Variants in KCNH8 observed in about 807,000 individuals in gnomAD.
The protein encoded by KCNH8 is potassium voltage-gated channel subfamily H member 8, also known as voltage-gated delayed rectifier potassium channel KCNH8.
Under a neutral mutation model 103.6 loss-of-function variants are expected in KCNH8, and 70 were observed. The observed-to-expected ratio is 0.68, with a 90% confidence interval of 0.56 to 0.82. The LOEUF (loss-of-function observed/expected upper bound fraction) is 0.82, where lower values mean the gene tolerates loss of function less well. Ranked by LOEUF, KCNH8 falls within the 40% of genes least tolerant of loss-of-function variation. The pLI is 0.00. For synonymous variants in KCNH8, 498 were observed against 489.4 expected, an observed-to-expected ratio of 1.02 and a Z score of -0.23; for missense variants, 1,217 against 1,329.9, an observed-to-expected ratio of 0.92 and a Z score of 1.32.
intron 7 of KCNH8, among the ~76,000 whole-genome samples, chr3:19,426,491 C>T (rs999226936): frequency 6.0e-5 from 9 of 151,056 alleles, no homozygotes; most frequent in Non-Finnish European, 1.5e-5. Context: ...ATTGGGGCCC[C>T]TGATGTGCTC....
intron 5 of KCNH8, among the ~76,000 whole-genome samples, chr3:19,383,072 G>A (rs1349589305): frequency 6.6e-6 from 1 of 152,058 alleles, no homozygotes. Context: ...TTTGGCCAAA[G>A]CAAATCATAG....
intron 1 of KCNH8, among the ~76,000 whole-genome samples, chr3:19,149,527 G>A (rs188991031): frequency 6.6e-6 from 1 of 152,046 alleles, no homozygotes; most frequent in Admixed American, 6.5e-5. Context: ...TAGATAGGAT[G>A]TTGTGTGGTT....
At chr3:19,499,249 A>G (rs1427236066) in intron 11 of KCNH8, among the ~76,000 whole-genome samples, 1 of 152,154 alleles carries the variant, frequency 6.6e-6, no homozygotes, top group Non-Finnish European at 1.5e-5. Flanking sequence ...AAAAAAGAAT[A>G]AAAAGAAACG....
intron 7 of KCNH8, among the ~76,000 whole-genome samples, chr3:19,421,133 A>G (rs1415560730): frequency 1.3e-5 from 2 of 152,186 alleles, no homozygotes; most frequent in African/African-American, 4.8e-5. Flanking sequence ...ACTACTTTTT[A>G]TTCTTTAGAA....
intron 2 of KCNH8, among the ~76,000 whole-genome samples, chr3:19,273,211 G>T (rs1039159346): frequency 2.6e-5 from 4 of 152,114 alleles, no homozygotes; most frequent in Non-Finnish European, 4.4e-5. Flanking sequence ...AATTAGAGAG[G>T]GTTAACTTAA....
intron 11 of KCNH8, among the ~76,000 whole-genome samples, chr3:19,508,577 A>C (rs2068734512): frequency 6.6e-6 from 1 of 152,180 alleles, no homozygotes; most frequent in South Asian, 2.1e-4. Flanking sequence ...CAGGGTGCTT[A>C]TCACATGATG....
intron 11 of KCNH8, among the ~76,000 whole-genome samples, chr3:19,502,691 T>A (rs1314083661): frequency 2.0e-5 from 3 of 150,566 alleles, no homozygotes; most frequent in Non-Finnish European, 4.5e-5. Flanking sequence ...ATTCCCTATT[T>A]AATAAATGGT....
intron 7 of KCNH8, among the ~76,000 whole-genome samples, chr3:19,408,829 T>G (rs2066733135): frequency 1.3e-5 from 2 of 151,958 alleles, no homozygotes; most frequent in African/African-American, 4.8e-5. Context: ...AAAAAAGAAT[T>G]TTAAAAAATG....
intron 3 of KCNH8, among the ~76,000 whole-genome samples, chr3:19,299,280 A>C (rs1442425460): frequency 6.6e-6 from 1 of 152,066 alleles, no homozygotes; most frequent in Non-Finnish European, 1.5e-5. Flanking sequence ...GAGTAATCTT[A>C]GCTGAAAATT....
At chr3:19,360,632 C>G (rs2065935885) in intron 5 of KCNH8, among the ~76,000 whole-genome samples, 1 of 151,922 alleles carries the variant, frequency 6.6e-6, no homozygotes. Flanking sequence ...TTTTCCATAA[C>G]AAATATTTTA....
rs200575141 is a variant in KCNH8, at chr3:19,395,196, C to T, written c.1062C>T (p.Ile354=). 5.0e-6 allele frequency: 8 copies of T among 1,609,992 alleles called. No individual in the cohort carries two copies. The South Asian group carries it at 6.6e-5, about 13-fold the overall frequency. ...KLDRYSQHST[I]VLTLLMSMFA... ...ACCGCTATTCCCAACACAGTACTAT[C>T]GTCCTGACTCTGCTCATGTCCATGT... Residue 354 remains isoleucine (I), a synonymous_variant, in exon 7 of 16, where the codon ATC becomes ATT. Transcript: ENST00000328405.
At chr3:19,285,033 C>T (rs1032473298) in intron 3 of KCNH8, among the ~76,000 whole-genome samples, 1 of 151,868 alleles carries the variant, frequency 6.6e-6, no homozygotes, top group African/African-American at 2.4e-5. Context: ...AAAACATTCA[C>T]AGGGCTGAGA....
At chr3:19,261,266 C>T (rs562964869) in intron 2 of KCNH8, among the ~76,000 whole-genome samples, 52 of 151,662 alleles carry the variant, frequency 3.4e-4, no homozygotes, top group African/African-American at 1.2e-3. Flanking sequence ...CACTTGTTAT[C>T]TCATGTCTTT....
intron 3 of KCNH8, among the ~76,000 whole-genome samples, chr3:19,307,442 G>A (rs781093786): frequency 6.6e-5 from 10 of 151,946 alleles, no homozygotes; most frequent in Non-Finnish European, 1.0e-4. Flanking sequence ...CTGTTGAGGG[G>A]AATGTAAACT....
At chr3:19,183,935 A>G (rs892895493) in intron 1 of KCNH8, among the ~76,000 whole-genome samples, 1 of 152,142 alleles carries the variant, frequency 6.6e-6, no homozygotes, top group Non-Finnish European at 1.5e-5. Flanking sequence ...TGTAACATTT[A>G]CGGTATTGGC....
intron 7 of KCNH8, among the ~76,000 whole-genome samples, chr3:19,415,534 G>A (rs2066850604): frequency 6.6e-6 from 1 of 151,198 alleles, no homozygotes; most frequent in Non-Finnish European, 1.5e-5. Context: ...TCCTTACTGA[G>A]GCACAATTAC....
At chr3:19,217,115 CTTGCGCAAGGCTAACAT>C (rs2063825791) in intron 1 of KCNH8, among the ~76,000 whole-genome samples, 1 of 152,306 alleles carries the variant, frequency 6.6e-6, no homozygotes, top group African/African-American at 2.4e-5. Context: ...AGCGCAGTCC[CTTGCGCAAGGCTAACAT>C]TTTTGTTTGG....
At position 19,480,821 on chromosome 3, in the gene KCNH8, T is replaced by C. The variant is rs532891346; in HGVS notation, c.2040+23839T>C. 4.6e-5 allele frequency among the ~76,000 whole-genome samples: 7 copies of C among 152,334 alleles called. 1 individual carries two copies. Among genetic ancestry groups the C allele is most frequent in the African/African-American group, 1.7e-4 (7 of 41,582 alleles). ...AAACTATATTTTCTCTGTCTGGTTC[T>C]TCATGCCAAAAAAACAATTATCTTT... On this transcript the variant is annotated intron_variant, in intron 11 of 15. Transcript: ENST00000328405.
At position 19,281,282 on chromosome 3, in the gene KCNH8, A is replaced by G. The variant is rs962827614; in HGVS notation, c.395A>G (p.Asp132Gly). The G allele has an allele frequency of 6.2e-7, 1 of 1,611,234 alleles. No individual in the cohort carries two copies. The highest frequency in any genetic ancestry group is 8.5e-7 in the Non-Finnish European group (1 of 1,178,286). ...DVVLFLASFK[D>G]ITDTKVKITP... ...GTACTTTTTCTGGCCTCGTTCAAAGATATAACAGATACAAAAGTGAAGATT... is the reference window on the plus strand; with the variant it reads ...GTACTTTTTCTGGCCTCGTTCAAAGGTATAACAGATACAAAAGTGAAGATT... The change falls in exon 3 of 16, where the codon GAT becomes GGT. Residue 132 changes from aspartate to glycine, a missense_variant. Transcript: ENST00000328405.
Sources: allele counts gnomAD v4.1 joint callset (sites outside exome capture counted in the v4.1 genomes callset), GRCh38; gene constraint gnomAD v4.1.1; transcripts MANE v1.5; gene names NCBI Gene and HGNC (gene_info 2026-07-23, HGNC 2026-07-21).